ESCO2: variants seen among roughly 807,000 people sequenced by gnomAD.
ESCO2 encodes N-acetyltransferase ESCO2.
A neutral mutation model predicts 61.7 loss-of-function variants in ESCO2; 51 were observed. The observed-to-expected ratio is 0.83, with a 90% CI of 0.66 to 1.04. The LOEUF (loss-of-function observed/expected upper bound fraction) is 1.04. Ranked by LOEUF, ESCO2 falls within the 50% of genes least tolerant of loss-of-function variation. The probability of loss-of-function intolerance (pLI) is 0.00; values close to 1 mark genes in which losing one functional copy is unlikely to be tolerated. For missense variants in ESCO2, 692 were observed against 686.2 expected, an observed-to-expected ratio of 1.01 and a Z score of -0.09; for synonymous variants, 230 against 238.2, an observed-to-expected ratio of 0.97 and a Z score of 0.32.
Position 27,803,552 on chromosome 8 carries a change from A to ACG in ESCO2, c.*115_*116insGC. Reference sequence around the variant, plus strand: ...AAAATACCGAGACTCACACTCATACACACACACACACACACGCACACACAC... The same window carrying ACG: ...AAAATACCGAGACTCACACTCATACACGCACACACACACACACGCACACACAC... On this transcript the variant is annotated 3_prime_UTR_variant, in exon 11 of 11. Coordinates refer to ENST00000305188, the MANE Select transcript of ESCO2 (RefSeq NM_001017420.3). The ACG allele has an allele frequency of 2.1e-6, 3 of 1,460,940 alleles. No individual in the cohort carries two copies. Among genetic ancestry groups the ACG allele is most frequent in the Non-Finnish European group, 1.8e-6 (2 of 1,110,106 alleles). The allele number at this position is 1,460,940 out of a possible 1,614,324, so 90.5% of individuals were successfully genotyped here.
rs550621304 is a variant in ESCO2, at chr8:27,804,248, C to T, written c.*810C>T. 4.0e-5 allele frequency: 39 copies of T among 984,338 alleles called. No individual in the cohort carries two copies. In the African/African-American group the frequency reaches 5.9e-4, roughly 15 times the overall value. The allele number at this position is 984,338 out of a possible 1,614,324, so 61.0% of individuals were successfully genotyped here. On this transcript the variant is annotated 3_prime_UTR_variant, in exon 11 of 11. Coordinates refer to ENST00000305188, the MANE Select transcript of ESCO2 (RefSeq NM_001017420.3). ...GTCATCAGATTTAATTAAAATTATACTTAGTAATTGCACTATTACTTAGTT... is the reference window on the plus strand; with the variant it reads ...GTCATCAGATTTAATTAAAATTATATTTAGTAATTGCACTATTACTTAGTT...
At position 27,804,843 on chromosome 8, in the gene ESCO2, TAACA is replaced by T. The variant is rs1805526631; in HGVS notation, c.*1406_*1409del. ...AAATATTTTATTTAAAATTTTTAATTAACATTTTGTTTGCTTAATGCTTTTGTTA... is the reference window on the plus strand; with the variant it reads ...AAATATTTTATTTAAAATTTTTAATTTTTTGTTTGCTTAATGCTTTTGTTA... On this transcript the variant is annotated 3_prime_UTR_variant, in exon 11 of 11. Transcript: ENST00000305188. 1 of 838,488 alleles carries T rather than the reference TAACA, an allele frequency of 1.2e-6. No homozygotes were observed. Among genetic ancestry groups the T allele is most frequent in the Non-Finnish European group, 1.4e-6 (1 of 698,538 alleles). 51.9% of individuals were successfully genotyped at this position (838,488 alleles called of 1,614,324 possible). A position where few individuals can be genotyped will look rare whatever the true frequency, so the allele number is the denominator to read the frequency against.
downstream of ESCO2, chr8:27,811,136 T>C (rs1358563281): frequency 3.1e-6 from 5 of 1,613,694 alleles, no homozygotes; most frequent in Non-Finnish European, 4.2e-6. Context: ...GGTCAGTCAC[T>C]GAAACAAGCA....
At position 27,775,622 on chromosome 8, in the gene ESCO2, C is replaced by G. The variant is rs1303922754; in HGVS notation, c.53+55C>G. ...TAGAAAAATCCACCTTCTTGTCTCT[C>G]TTGTTCTCTCCTATTTTCTAAAATT... On this transcript the variant is annotated intron_variant, in intron 2 of 10. Coordinates refer to ENST00000305188, the MANE Select transcript of ESCO2 (RefSeq NM_001017420.3). 3.2e-6 allele frequency: 5 copies of G among 1,580,582 alleles called. No homozygotes were observed. In the African/African-American group the frequency reaches 5.4e-5, roughly 17 times the overall value.
At chr8:27,781,478 T>A (rs1804926179) in intron 4 of ESCO2, among the ~76,000 whole-genome samples, 1 of 152,174 alleles carries the variant, frequency 6.6e-6, no homozygotes, top group South Asian at 2.1e-4. Flanking sequence ...AGTAGCAGTG[T>A]ATCTCTTACC....
chr8:27,803,254 A>T, intron 10 of ESCO2, 52 bp from the exon 11 acceptor site: 1 of 1,518,612 alleles, frequency 6.6e-7, no homozygotes, highest in Non-Finnish European at 9.1e-7. Context: ...GCTCATGTTA[A>T]TTAGAATGTT....
downstream of ESCO2, among the ~76,000 whole-genome samples, chr8:27,814,033 A>T (rs1211723707): frequency 6.6e-6 from 1 of 152,154 alleles, no homozygotes; most frequent in Admixed American, 6.5e-5. Context: ...ATGTCCTACA[A>T]TGTGTCAGGT....
intron 6 of ESCO2, 67 bp from the exon 7 acceptor site, chr8:27,788,780 A>G: frequency 6.3e-7 from 1 of 1,592,774 alleles, no homozygotes; most frequent in African/African-American, 1.3e-5. Flanking sequence ...GAATGGTTAT[A>G]GGAACTTAAT....
At chr8:27,815,913 T>C (rs1335455605), downstream of ESCO2, among the ~76,000 whole-genome samples, 1 of 152,226 alleles carries the variant, frequency 6.6e-6, no homozygotes, top group African/African-American at 2.4e-5. Context: ...TTTGATGAGA[T>C]CATAAACTAA....
At chr8:27,785,279 T>C (rs1465862857) in intron 5 of ESCO2, among the ~76,000 whole-genome samples, 1 of 152,220 alleles carries the variant, frequency 6.6e-6, no homozygotes, top group Non-Finnish European at 1.5e-5. Context: ...CACCTCTTAT[T>C]AGGCCCCACC....
intron 3 of ESCO2, chr8:27,778,052 A>C (rs1256440963): frequency 6.6e-6 from 1 of 152,246 alleles, no homozygotes; most frequent in Non-Finnish European, 1.5e-5. Context: ...TGCTTGGCCT[A>C]CATAATTTAA....
At chr8:27,808,243 A>G (rs774643336), downstream of ESCO2, 5 of 1,241,706 alleles carry the variant, frequency 4.0e-6, no homozygotes, top group African/African-American at 3.1e-5. Context: ...ATCATCTTCA[A>G]CATTTCTCAA....
At chr8:27,790,288 A>G (rs911599994) in intron 7 of ESCO2, among the ~76,000 whole-genome samples, 3 of 152,254 alleles carry the variant, frequency 2.0e-5, no homozygotes, top group African/African-American at 7.2e-5. Context: ...TTCCTGGGTT[A>G]CAAATACATT....
chr8:27,810,452 C>A, downstream of ESCO2: 1 of 1,608,604 alleles, frequency 6.2e-7, no homozygotes, highest in South Asian at 1.1e-5. Context: ...TAGTTCCCAA[C>A]GCTGCATAGT....
rs2128959352 is a variant in ESCO2 at position 27,803,981 on chromosome 8, T to A, written c.*543T>A. ...GTCTGAAACTTTTGGGCTCAAGCGA[T>A]CCTCCCAAAACGCTGGGATTACAGT... On this transcript the variant is annotated 3_prime_UTR_variant, in exon 11 of 11. Transcript: ENST00000305188. The A allele has an allele frequency of 1.0e-6, 1 of 987,520 alleles. No individual in the cohort carries two copies. The highest frequency in any genetic ancestry group is 1.1e-4 in the East Asian group (1 of 8,902). 61.2% of individuals were successfully genotyped at this position (987,520 alleles called of 1,614,324 possible).
In ESCO2 at chr8:27,787,872, T is replaced by C. The variant is rs1563474628; in HGVS notation, c.1014-13T>C. On this transcript the variant is annotated splice_polypyrimidine_tract_variant and intron_variant, in intron 5 of 10. Coordinates refer to ENST00000305188, the MANE Select transcript of ESCO2 (RefSeq NM_001017420.3). ...AAATTGTAAATTTATATATATCAAC[T>C]TTCTGTGTCAAGATCTTTAGGTGAA... 1.9e-6 allele frequency: 3 copies of C among 1,589,248 alleles called. No homozygotes were observed. Among genetic ancestry groups the C allele is most frequent in the East Asian group, 2.2e-5 (1 of 44,656 alleles).
In ESCO2 at chr8:27,788,993, A is replaced by C. The variant is rs765428444; in HGVS notation, c.1263+15A>C. On this transcript the variant is annotated intron_variant, in intron 7 of 10. Transcript: ENST00000305188. ...TCAAATATGTGGTGAGCCAAAACAT[A>C]GTCTTTCAGTTTGTTCTAGAAGTAA... The C allele has an allele frequency of 1.2e-6, 2 of 1,613,946 alleles. No individual in the cohort carries two copies. Among genetic ancestry groups the C allele is most frequent in the Non-Finnish European group, 1.7e-6 (2 of 1,179,906 alleles).
Position 27,804,466 on chromosome 8 carries a change from T to C in ESCO2, c.*1028T>C. The C allele has an allele frequency of 1.0e-6, 1 of 985,444 alleles. No homozygotes were observed. Among genetic ancestry groups the C allele is most frequent in the Non-Finnish European group, 1.2e-6 (1 of 829,908 alleles). The allele number at this position is 985,444 out of a possible 1,614,324, so 61.0% of individuals were successfully genotyped here. A position where few individuals can be genotyped will look rare whatever the true frequency, so the allele number is the denominator to read the frequency against. On this transcript the variant is annotated 3_prime_UTR_variant, in exon 11 of 11. Coordinates refer to ENST00000305188, the MANE Select transcript of ESCO2 (RefSeq NM_001017420.3). ...AAATGTATGGTAATAGAACCAAGGT[T>C]AGTAAATATACATAGGCTGGTGGAT...
Position 27,790,782 on chromosome 8 carries a change from G to C in ESCO2, c.1264-1181G>C, listed in dbSNP as rs933675084. Reference sequence around the variant, plus strand: ...GCAAAGTGTGCCAACATTACTGTTTGACTAGTTTATCTTCCACACTGATTA... The same window carrying C: ...GCAAAGTGTGCCAACATTACTGTTTCACTAGTTTATCTTCCACACTGATTA... On this transcript the variant is annotated intron_variant, in intron 7 of 10. Transcript: ENST00000305188. Among the ~76,000 whole-genome samples the C allele has an allele frequency of 2.0e-5, 3 of 152,056 alleles. No homozygotes were observed. In the South Asian group the frequency reaches 6.2e-4, roughly 32 times the overall value.
Sources: gnomAD v4.1 joint callset for allele counts (sites outside exome capture counted in the v4.1 genomes callset) on GRCh38, gnomAD v4.1.1 for gene constraint, MANE v1.5 for transcripts, NCBI Gene and HGNC (gene_info 2026-07-23, HGNC 2026-07-21) for gene names.